Variants in PIK3R5 observed in about 807,000 individuals in gnomAD.
The protein encoded by PIK3R5 is phosphoinositide 3-kinase regulatory subunit 5.
In PIK3R5, 32 loss-of-function variants were observed where a neutral mutation model predicts 94.9. The observed-to-expected ratio is 0.34, with a 90% confidence interval of 0.25 to 0.45. PIK3R5 has a LOEUF of 0.45. Ranked by LOEUF, PIK3R5 falls within the 20% of genes least tolerant of loss-of-function variation. PIK3R5 has a pLI of 1.00. For synonymous variants in PIK3R5, 443 were observed against 479.4 expected, an observed-to-expected ratio of 0.92 and a Z score of 0.99; for missense variants, 853 against 1,144.6, an observed-to-expected ratio of 0.75 and a Z score of 3.68.
intron 5 of PIK3R5, among the ~76,000 whole-genome samples, chr17:8,897,718 G>A (rs181107482): frequency 1.3e-5 from 2 of 152,260 alleles, no homozygotes; most frequent in East Asian, 1.9e-4. Flanking sequence ...AATGTGTTAG[G>A]TGCAACCCCC....
At chr17:8,965,233 A>G (rs1282919414) in intron 1 of PIK3R5, among the ~76,000 whole-genome samples, 3 of 152,186 alleles carry the variant, frequency 2.0e-5, no homozygotes, top group Non-Finnish European at 4.4e-5. Flanking sequence ...ACGCTCACGG[A>G]CAGTTCCCCG....
chr17:8,893,890 G>C lies in PIK3R5; in HGVS notation c.413-235C>G. 2 of 405,424 alleles carry C rather than the reference G, an allele frequency of 4.9e-6. No individual in the cohort carries two copies. Among genetic ancestry groups the C allele is most frequent in the Non-Finnish European group, 9.1e-6 (2 of 220,516 alleles). 25.1% of individuals were successfully genotyped at this position (405,424 alleles called of 1,614,324 possible). A position where few individuals can be genotyped will look rare whatever the true frequency, so the allele number is the denominator to read the frequency against. On this transcript the variant is annotated intron_variant, in intron 5 of 18. Coordinates refer to ENST00000447110, the MANE Select transcript of PIK3R5 (RefSeq NM_001142633.3). This position sits in a 1 kb window ranked among gnomAD's most constrained non-coding sequence, Gnocchi z 5.1. ...ACCTCCACCTCCAACACCAAAACTC[G>C]GTCCTGGGCCTCGCTGTCCTCTGGA...
At chr17:8,939,828 T>C (rs77409892) in intron 1 of PIK3R5, among the ~76,000 whole-genome samples, 1,720 of 152,324 alleles carry the variant, frequency 0.011, 48 homozygotes, top group African/African-American at 0.04. Context: ...CATTGCCTTT[T>C]GATATTCATG....
rs976848792 is a variant in PIK3R5 at position 8,935,643 on chromosome 17, C to A, written c.-13-24136G>T. Among the ~76,000 whole-genome samples, 1 of 152,150 alleles carries A rather than the reference C, an allele frequency of 6.6e-6. No individual in the cohort carries two copies. The highest frequency in any genetic ancestry group is 1.5e-5 in the Non-Finnish European group (1 of 68,038). On this transcript the variant is annotated intron_variant, in intron 1 of 18. Transcript: ENST00000447110. The surrounding 1 kb of genome is among the most constrained non-coding windows in gnomAD (Gnocchi z 4.5). Reference sequence around the variant, plus strand: ...ACATTGTGCTCTCCCCTCACCCTATCCCCATGCTAAATAAGAAGGCAACCA... The same window carrying A: ...ACATTGTGCTCTCCCCTCACCCTATACCCATGCTAAATAAGAAGGCAACCA...
intron 1 of PIK3R5, among the ~76,000 whole-genome samples, chr17:8,949,526 C>T (rs1241564144): frequency 2.0e-5 from 3 of 152,060 alleles, no homozygotes; most frequent in Non-Finnish European, 4.4e-5. Context: ...GAGACAGAGA[C>T]AGAGAAAGAC....
At chr17:8,908,610 C>A (rs960354159) in intron 3 of PIK3R5, among the ~76,000 whole-genome samples, 2 of 150,462 alleles carry the variant, frequency 1.3e-5, no homozygotes, top group African/African-American at 4.9e-5. Context: ...GAGCCCAAAT[C>A]CTCTTTTGGG....
intron 1 of PIK3R5, among the ~76,000 whole-genome samples, chr17:8,949,596 CT>C (rs2091338983): frequency 6.6e-6 from 1 of 152,314 alleles, no homozygotes; most frequent in African/African-American, 2.4e-5. Flanking sequence ...AGGGAGAATT[CT>C]GTAATGGCAT....
intron 1 of PIK3R5, among the ~76,000 whole-genome samples, chr17:8,913,375 C>A (rs908391027): frequency 8.5e-5 from 13 of 152,186 alleles, no homozygotes; most frequent in Admixed American, 7.9e-4. Context: ...AGGTCCCATG[C>A]CTTCTGGCTG....
chr17:8,937,812 T>C (rs1354040825), intron 1 of PIK3R5, among the ~76,000 whole-genome samples: 1 of 152,172 alleles, frequency 6.6e-6, no homozygotes, highest in African/African-American at 2.4e-5. Flanking sequence ...GTTGCCATCA[T>C]TTTTTCTTTT....
chr17:8,894,582 G>A (rs1280808542), intron 5 of PIK3R5, among the ~76,000 whole-genome samples: 1 of 152,140 alleles, frequency 6.6e-6, no homozygotes, highest in Non-Finnish European at 1.5e-5. Flanking sequence ...TCCAAATGCT[G>A]AGAAGAAACA....
intron 3 of PIK3R5, among the ~76,000 whole-genome samples, chr17:8,907,606 A>G (rs977264608): frequency 1.3e-5 from 2 of 149,060 alleles, no homozygotes; most frequent in East Asian, 2.0e-4. Context: ...CTTTTCCTGC[A>G]TTGGTTTTTA....
rs1330596085 is a variant in PIK3R5, at chr17:8,884,841, C to G, written c.2129-58G>C. On this transcript the variant is annotated intron_variant, in intron 14 of 18. Transcript: ENST00000447110. The surrounding 1 kb of genome is among the most constrained non-coding windows in gnomAD (Gnocchi z 5.8). ...CCTGGCTTCCCCGGCTCCTCACGAACGCAGTGGCCTTGCCTCCCTGGGCCT... is the reference window on the plus strand; with the variant it reads ...CCTGGCTTCCCCGGCTCCTCACGAAGGCAGTGGCCTTGCCTCCCTGGGCCT... The G allele has an allele frequency of 6.7e-7, 1 of 1,486,520 alleles. No individual in the cohort carries two copies. Among genetic ancestry groups the G allele is most frequent in the South Asian group, 1.1e-5 (1 of 88,392 alleles). 92.1% of individuals were successfully genotyped at this position (1,486,520 alleles called of 1,614,324 possible). A position where few individuals can be genotyped will look rare whatever the true frequency, so the allele number is the denominator to read the frequency against.
At chr17:8,942,963 T>TACACACACACACACACACACACACACAC (rs112851950) in intron 1 of PIK3R5, among the ~76,000 whole-genome samples, 1 of 149,068 alleles carries the variant, frequency 6.7e-6, no homozygotes, top group Non-Finnish European at 1.5e-5. Flanking sequence ...GATCACGTCA[T>TACACACACACACACACACACACACACAC]ACACACACAC....
Position 8,892,566 on chromosome 17 carries a change from C to T in PIK3R5, c.482+1020G>A, listed in dbSNP as rs965116149. On this transcript the variant is annotated intron_variant, in intron 6 of 18. Transcript: ENST00000447110. This position sits in a 1 kb window ranked among gnomAD's most constrained non-coding sequence, Gnocchi z 4.3. ...CATGCTTAGGATGGTGCCTGGAGTCCGAATAAAGGTCTAAAGGGCTTTGAT... is the reference window on the plus strand; with the variant it reads ...CATGCTTAGGATGGTGCCTGGAGTCTGAATAAAGGTCTAAAGGGCTTTGAT... Among the ~76,000 whole-genome samples, 4 of 151,974 alleles carry T rather than the reference C, an allele frequency of 2.6e-5. No individual in the cohort carries two copies. The highest frequency in any genetic ancestry group is 9.7e-5 in the African/African-American group (4 of 41,360).
chr17:8,944,744 A>G (rs1349797397), intron 1 of PIK3R5, among the ~76,000 whole-genome samples: 1 of 152,166 alleles, frequency 6.6e-6, no homozygotes, highest in African/African-American at 2.4e-5. Context: ...AAGTACCAGG[A>G]CACGGAGCTG....
chr17:8,934,895 G>A (rs142335853), intron 1 of PIK3R5, among the ~76,000 whole-genome samples: 1 of 152,244 alleles, frequency 6.6e-6, no homozygotes, highest in East Asian at 1.9e-4. Context: ...CCATAACATG[G>A]CTCACTGGAC....
In PIK3R5 at chr17:8,893,662, G is replaced by C. The variant is rs761330654; in HGVS notation, c.413-7C>G. On this transcript the variant is annotated splice_polypyrimidine_tract_variant and splice_region_variant and intron_variant, in intron 5 of 18. Transcript: ENST00000447110. The surrounding 1 kb of genome is among the most constrained non-coding windows in gnomAD (Gnocchi z 5.1). ...AGTCTCTGGTAGGAGATCCCTGTGG[G>C]TCAAGAAGAAAAGAGTTCATGGGCT... 5.6e-6 allele frequency: 9 copies of C among 1,611,866 alleles called. No individual in the cohort carries two copies. Among genetic ancestry groups the C allele is most frequent in the Non-Finnish European group, 7.6e-6 (9 of 1,177,964 alleles).
intron 1 of PIK3R5, among the ~76,000 whole-genome samples, chr17:8,956,032 C>T (rs1168878451): frequency 6.6e-6 from 1 of 152,068 alleles, no homozygotes; most frequent in East Asian, 1.9e-4. Context: ...TGGTGGCATA[C>T]ACCTGTAGTC....
rs766991330 is a variant in PIK3R5, at chr17:8,890,783, G to T, written c.612C>A (p.Thr204=). The T allele has an allele frequency of 6.2e-7, 1 of 1,612,760 alleles. No individual in the cohort carries two copies. The highest frequency in any genetic ancestry group is 8.5e-7 in the Non-Finnish European group (1 of 1,179,512). Residue 204 remains threonine, a synonymous_variant, in exon 7 of 19, where the codon ACC becomes ACA. Transcript: ENST00000447110. The surrounding 1 kb of genome is among the most constrained non-coding windows in gnomAD (Gnocchi z 6.1). ...TTLLLHAFQA[T]FGAHCDVPGL... is the part of the protein sequence containing the mutation. ...CCGGGACGTCACAGTGGGCCCCAAA[G>T]GTGGCCTGGAAGGCGTGCAGGAGCA...
Sources: allele counts gnomAD v4.1 joint callset (sites outside exome capture counted in the v4.1 genomes callset), GRCh38; gene constraint gnomAD v4.1.1; non-coding constraint Gnocchi (gnomAD v3.1); transcripts MANE v1.5; gene names NCBI Gene and HGNC (gene_info 2026-07-23, HGNC 2026-07-21).